SUSD1: variants seen among roughly 807,000 people sequenced by gnomAD.
The protein encoded by SUSD1 is sushi domain containing 1.
SUSD1 carries 65 observed loss-of-function variants against 86.9 expected under a neutral mutation model. The observed-to-expected ratio is 0.75, with a 90% confidence interval of 0.61 to 0.92. The LOEUF is 0.92. SUSD1 is among the 40% of genes least tolerant of loss of function. The pLI, the probability that SUSD1 is intolerant of heterozygous loss-of-function variation, is 0.00. For missense variants in SUSD1, 850 were observed against 929.7 expected, an observed-to-expected ratio of 0.91 and a Z score of 1.11; for synonymous variants, 346 against 350.0, an observed-to-expected ratio of 0.99 and a Z score of 0.13.
Position 112,097,126 on chromosome 9 carries a change from G to A in SUSD1, c.1474+1344C>T, listed in dbSNP as rs1830428632. On this transcript the variant is annotated intron_variant, in intron 10 of 16. Coordinates refer to ENST00000374270, the MANE Select transcript of SUSD1 (RefSeq NM_022486.5). ...ACCTCACTTGAGGTCAGGAGTTCGA[G>A]AACAGCCTGGCCAACATGGTGAAAC... Among the ~76,000 whole-genome samples, 2 of 151,942 alleles carry A rather than the reference G, an allele frequency of 1.3e-5. 1 individual carries two copies. The highest frequency in any genetic ancestry group is 4.1e-4 in the South Asian group (2 of 4,820).
chr9:112,132,962 G>A (rs1034460791), intron 5 of SUSD1, among the ~76,000 whole-genome samples: 4 of 152,100 alleles, frequency 2.6e-5, no homozygotes, highest in African/African-American at 9.7e-5. Flanking sequence ...CTAGCAAGTT[G>A]AACTTAGAAA....
At chr9:112,163,318 G>C (rs995563745) in intron 1 of SUSD1, among the ~76,000 whole-genome samples, 3 of 151,950 alleles carry the variant, frequency 2.0e-5, no homozygotes, top group African/African-American at 7.3e-5. Context: ...ACCACACCTG[G>C]CTAATTTTTT....
At chr9:112,136,682 G>A (rs1006419772) in intron 5 of SUSD1, among the ~76,000 whole-genome samples, 15 of 152,184 alleles carry the variant, frequency 9.9e-5, no homozygotes, top group African/African-American at 3.1e-4. Flanking sequence ...TCTGGATGTG[G>A]TCTCAGGATC....
chr9:112,086,415 G>A (rs1403439443), intron 10 of SUSD1, among the ~76,000 whole-genome samples: 1 of 151,728 alleles, frequency 6.6e-6, no homozygotes, highest in African/African-American at 2.4e-5. Context: ...GGTGATAGAA[G>A]GGATGTGTGA....
intron 6 of SUSD1, among the ~76,000 whole-genome samples, chr9:112,123,250 C>T (rs1249900590): frequency 6.6e-6 from 1 of 152,118 alleles, no homozygotes; most frequent in East Asian, 1.9e-4. Context: ...AGTTGACAAT[C>T]GTGGCAGAAG....
intron 8 of SUSD1, among the ~76,000 whole-genome samples, chr9:112,108,265 T>C (rs186525634): frequency 4.1e-4 from 63 of 152,326 alleles, no homozygotes; most frequent in African/African-American, 1.4e-3. Context: ...CCTTGAAACA[T>C]GTATCAATGC....
chr9:112,089,677 T>C (rs1040832187), intron 10 of SUSD1, among the ~76,000 whole-genome samples: 1 of 151,788 alleles, frequency 6.6e-6, no homozygotes, highest in Admixed American at 6.6e-5. Flanking sequence ...CTGGGCGTGG[T>C]GGTACATGCC....
intron 10 of SUSD1, among the ~76,000 whole-genome samples, chr9:112,089,518 T>C (rs1296184256): frequency 6.6e-6 from 1 of 151,862 alleles, no homozygotes; most frequent in African/African-American, 2.4e-5. Context: ...AAGGATATAA[T>C]AGTTATGAAA....
At chr9:112,158,596 T>G (rs1833439624) in intron 1 of SUSD1, among the ~76,000 whole-genome samples, 1 of 152,086 alleles carries the variant, frequency 6.6e-6, no homozygotes, top group African/African-American at 2.4e-5. Context: ...CTCCCTATGT[T>G]GTCAAGGCTG....
intron 1 of SUSD1, among the ~76,000 whole-genome samples, chr9:112,160,975 C>A (rs1428634700): frequency 6.6e-6 from 1 of 152,210 alleles, no homozygotes. Context: ...GGATGAGTCC[C>A]CATACCTAAA....
At chr9:112,157,420 C>T (rs937659212) in intron 2 of SUSD1, 80 bp downstream of exon 2, 4 of 932,366 alleles carry the variant, frequency 4.3e-6, no homozygotes, top group Non-Finnish European at 6.6e-6. Context: ...TGTTTTTCCC[C>T]AAGGACATCA....
chr9:112,147,322 C>T (rs1698477031), intron 3 of SUSD1, among the ~76,000 whole-genome samples: 2 of 152,130 alleles, frequency 1.3e-5, no homozygotes. Context: ...GCCTGGCCAA[C>T]ATGGTGAAAC....
At chr9:112,109,471 T>G (rs952177117) in intron 8 of SUSD1, among the ~76,000 whole-genome samples, 4 of 152,202 alleles carry the variant, frequency 2.6e-5, no homozygotes, top group Admixed American at 6.5e-5. Context: ...CATACCTTGC[T>G]CCCAGTTAGG....
intron 9 of SUSD1, among the ~76,000 whole-genome samples, chr9:112,099,254 C>T (rs1830528564): frequency 6.6e-6 from 1 of 152,090 alleles, no homozygotes; most frequent in Non-Finnish European, 1.5e-5. Context: ...TACTTTGTTG[C>T]CCAGGCTGGT....
Position 112,113,757 on chromosome 9 carries a change from C to G in SUSD1, c.887-889G>C, listed in dbSNP as rs1190435379. Among the ~76,000 whole-genome samples the G allele has an allele frequency of 1.3e-5, 2 of 152,062 alleles. No homozygotes were observed. The highest frequency in any genetic ancestry group is 2.9e-5 in the Non-Finnish European group (2 of 68,030). ...GACCAGCCTGGCCAACATAGTGAAA[C>G]CCCATCTCTACTAAAAATACAAAAC... is the stretch of plus-strand genomic sequence containing the variant. On this transcript the variant is annotated intron_variant, in intron 6 of 16. Coordinates refer to ENST00000374270, the MANE Select transcript of SUSD1 (RefSeq NM_022486.5). The surrounding 1 kb of genome is among the most constrained non-coding windows in gnomAD (Gnocchi z 4.1).
intron 9 of SUSD1, among the ~76,000 whole-genome samples, chr9:112,099,016 T>TCTCC (rs1830514613): frequency 1.6e-4 from 1 of 6,288 alleles, no homozygotes; most frequent in Admixed American, 1.9e-3. Context: ...AATACTTCGT[T>TCTCC]CTCTCTCTCT....
intron 1 of SUSD1, among the ~76,000 whole-genome samples, chr9:112,174,495 A>ATT (rs1405145302): frequency 6.6e-6 from 1 of 152,038 alleles, no homozygotes; most frequent in Admixed American, 6.6e-5. Context: ...GAAATAGAAC[A>ATT]TTTGCTGGTC....
intron 2 of SUSD1, among the ~76,000 whole-genome samples, chr9:112,150,666 G>C (rs966370537): frequency 1.3e-5 from 2 of 152,198 alleles, no homozygotes; most frequent in Non-Finnish European, 2.9e-5. Context: ...TTATATGGTA[G>C]AGTGTAGTGC....
intron 14 of SUSD1, among the ~76,000 whole-genome samples, chr9:112,053,815 C>T (rs1194744133): frequency 6.6e-6 from 1 of 152,068 alleles, no homozygotes; most frequent in Non-Finnish European, 1.5e-5. Context: ...CTCATGCTGG[C>T]AGTGGTATGA....
Sources: gnomAD v4.1 joint callset for allele counts (sites outside exome capture counted in the v4.1 genomes callset) on GRCh38, gnomAD v4.1.1 for gene constraint, Gnocchi (gnomAD v3.1) non-coding constraint, MANE v1.5 for transcripts, NCBI Gene and HGNC (gene_info 2026-07-23, HGNC 2026-07-21) for gene names.